The following MID1 variants were observed in gnomAD, a reference collection of about 807,000 sequenced individuals.
MID1 encodes the protein E3 ubiquitin-protein ligase Midline-1.
MID1 carries 7 observed loss-of-function variants against 40.4 expected under a neutral mutation model. That is an observed-to-expected ratio of 0.17 (90% CI 0.10 to 0.33). The LOEUF is 0.33. Among genes scored for constraint, MID1 ranks in the 10% least tolerant of loss-of-function variants. The pLI is 1.00. For missense variants in MID1, 367 were observed against 558.5 expected (o/e 0.66, Z 3.46); for synonymous variants, 229 against 221.2 (o/e 1.04, Z -0.31).
intron 1 of MID1, among the ~76,000 whole-genome samples, chrX:10,617,251 G>A (rs923663284): frequency 1.8e-5 from 2 of 111,751 alleles, no homozygotes; most frequent in African/African-American, 6.5e-5. Context: ...TGTTCAATGA[G>A]GATCAAATTG....
intron 1 of MID1, among the ~76,000 whole-genome samples, chrX:10,615,813 C>T (rs770051804): frequency 1.8e-5 from 2 of 112,336 alleles, no homozygotes; most frequent in South Asian, 3.7e-4. Flanking sequence ...TAGAACAAAA[C>T]CGCTGAGCTC....
At chrX:10,721,489 G>C (rs908975155) in intron 1 of MID1, among the ~76,000 whole-genome samples, 20 of 110,443 alleles carry the variant, frequency 1.8e-4, no homozygotes, top group Non-Finnish European at 3.0e-4. Flanking sequence ...AATTTTGTGG[G>C]TTTCTCACTT....
intron 3 of MID1, chrX:10,506,264 GC>G: frequency 9.9e-7 from 1 of 1,010,370 alleles, no homozygotes; most frequent in Non-Finnish European, 1.3e-6. Flanking sequence ...AGAGACTTGT[GC>G]TATCATTTCA....
chrX:10,818,531 C>T (rs1451378142), intron 1 of MID1, among the ~76,000 whole-genome samples: 1 of 112,485 alleles, frequency 8.9e-6, no homozygotes, highest in Non-Finnish European at 1.9e-5. Flanking sequence ...CCTAAGTCCA[C>T]AGGCCTCTGA....
intron 1 of MID1, among the ~76,000 whole-genome samples, chrX:10,638,129 C>A (rs61678785): frequency 0.07 from 7,758 of 111,561 alleles, 372 homozygotes; most frequent in African/African-American, 0.17. Flanking sequence ...CAGCTCCCAG[C>A]ATATTCCAAC....
rs12015019 is a variant in MID1 at position 10,711,730 on chromosome X, G to C, written c.-186-91311C>G. On this transcript the variant is annotated intron_variant, in intron 1 of 10. Transcript: ENST00000380785. Reference sequence around the variant, plus strand: ...GGTTTGTAGTGACCAGCTGTTGAAAGTGAAGCTCAAGTGCATTATAGTGGC... The same window carrying C: ...GGTTTGTAGTGACCAGCTGTTGAAACTGAAGCTCAAGTGCATTATAGTGGC... Among the ~76,000 whole-genome samples, 346 of 112,901 alleles carry C rather than the reference G, an allele frequency of 3.1e-3. 2 individuals carry two copies. Among genetic ancestry groups the C allele is most frequent in the African/African-American group, 0.011 (333 of 31,134 alleles).
chrX:10,787,104 C>G (rs1330488403), intron 1 of MID1, among the ~76,000 whole-genome samples: 3 of 111,302 alleles, frequency 2.7e-5, no homozygotes, highest in Non-Finnish European at 3.8e-5. Context: ...TTAACTTAGA[C>G]AAGGAATAGG....
chrX:10,702,205 T>C (rs1444303033), intron 1 of MID1, among the ~76,000 whole-genome samples: 2 of 112,540 alleles, frequency 1.8e-5, no homozygotes, highest in Admixed American at 1.9e-4. Context: ...CACATTAGCA[T>C]TGAAGACGAC....
At chrX:10,496,937 T>C (rs2147323850) in intron 3 of MID1, among the ~76,000 whole-genome samples, 1 of 112,461 alleles carries the variant, frequency 8.9e-6, no homozygotes, top group East Asian at 2.8e-4. Context: ...GACAGAGTTA[T>C]TTGCTAAGTA....
chrX:10,784,012 A>C (rs1480650666), intron 1 of MID1, among the ~76,000 whole-genome samples: 1 of 111,808 alleles, frequency 8.9e-6, no homozygotes, highest in African/African-American at 3.2e-5. Context: ...ACAAATAAAA[A>C]ATATTTATTT....
At chrX:10,798,066 C>T (rs755824804) in intron 1 of MID1, among the ~76,000 whole-genome samples, 74 of 112,134 alleles carry the variant, frequency 6.6e-4, no homozygotes, top group Non-Finnish European at 6.2e-4. Flanking sequence ...TAGACCAAAG[C>T]GGGCATGGCA....
intron 1 of MID1, among the ~76,000 whole-genome samples, chrX:10,754,308 TGTTTTTTG>T (rs1569162371): frequency 2.9e-5 from 3 of 104,930 alleles, no homozygotes; most frequent in African/African-American, 1.2e-4. Context: ...AGTTTTTTTT[TGTTTTTTG>T]TTTTTTGTTT....
chrX:10,461,166 C>T (rs776766946), intron 7 of MID1, among the ~76,000 whole-genome samples: 126 of 104,423 alleles, frequency 1.2e-3, no homozygotes, highest in Non-Finnish European at 1.8e-3. Flanking sequence ...CACACACACA[C>T]ATATTTGGTC....
intron 1 of MID1, among the ~76,000 whole-genome samples, chrX:10,745,404 G>A (rs1443041414): frequency 6.2e-5 from 7 of 112,007 alleles, no homozygotes; most frequent in African/African-American, 1.9e-4. Context: ...GTGTGACTGC[G>A]GAGTGGTGAT....
chrX:10,500,458 A>G (rs1395766124), intron 3 of MID1, among the ~76,000 whole-genome samples: 1 of 112,218 alleles, frequency 8.9e-6, no homozygotes, highest in Non-Finnish European at 1.9e-5. Flanking sequence ...TACTTTGATG[A>G]ATTTCCAAAT....
chrX:10,786,066 C>CAA (rs1456286757), intron 1 of MID1, among the ~76,000 whole-genome samples: 8 of 111,690 alleles, frequency 7.2e-5, no homozygotes, highest in Non-Finnish European at 1.3e-4. Flanking sequence ...GCAATCTACT[C>CAA]ACCTGACAAA....
intron 1 of MID1, among the ~76,000 whole-genome samples, chrX:10,722,790 G>T (rs768036412): frequency 1.3e-4 from 15 of 112,007 alleles, no homozygotes; most frequent in African/African-American, 4.5e-4. Context: ...GACATTGGGA[G>T]CCCCGGTCGG....
chrX:10,506,601 C>G, intron 3 of MID1: 1 of 485,281 alleles, frequency 2.1e-6, no homozygotes, highest in Admixed American at 2.8e-5. Flanking sequence ...CTGGGAGGGG[C>G]AGAAAAAGTT....
chrX:10,573,972 C>T (rs868551553), intron 1 of MID1, among the ~76,000 whole-genome samples: 11 of 111,723 alleles, frequency 9.8e-5, no homozygotes, highest in African/African-American at 3.3e-4. Flanking sequence ...TTCTGTCCTC[C>T]TGGTCACCAG....
Sources: allele counts gnomAD v4.1 joint callset (sites outside exome capture counted in the v4.1 genomes callset), GRCh38; gene constraint gnomAD v4.1.1; transcripts MANE v1.5; gene names NCBI Gene and HGNC (gene_info 2026-07-23, HGNC 2026-07-21).